The following MVB12B variants were observed in gnomAD, a reference collection of about 807,000 sequenced individuals.
The protein encoded by MVB12B is ESCRT-I complex subunit MVB12B.
Under a neutral mutation model 41.6 loss-of-function variants are expected in MVB12B, and 16 were observed. The observed-to-expected ratio is 0.38, with a 90% CI of 0.26 to 0.58. The LOEUF is 0.58. MVB12B is among the 20% of genes least tolerant of loss of function. MVB12B has a pLI of 0.62. For synonymous variants in MVB12B, 133 were observed against 139.7 expected (o/e 0.95, Z 0.34); for missense variants, 274 against 380.2 (o/e 0.72, Z 2.32).
intron 7 of MVB12B, among the ~76,000 whole-genome samples, chr9:126,467,757 C>G (rs915372162): frequency 5.3e-5 from 8 of 152,192 alleles, no homozygotes; most frequent in Non-Finnish European, 8.8e-5. Flanking sequence ...CTGCTGTGTT[C>G]CCATGATTCT....
At chr9:126,469,627 G>T (rs1833272166) in intron 7 of MVB12B, among the ~76,000 whole-genome samples, 1 of 152,220 alleles carries the variant, frequency 6.6e-6, no homozygotes, top group African/African-American at 2.4e-5. Flanking sequence ...CTGTTTTAGA[G>T]CATGCCTTCT....
intron 7 of MVB12B, among the ~76,000 whole-genome samples, chr9:126,475,628 G>T (rs1003287559): frequency 1.3e-5 from 2 of 152,152 alleles, no homozygotes; most frequent in African/African-American, 4.8e-5. Context: ...GGTGAGAAGG[G>T]CACTGTGAGA....
rs139743734 is a variant in MVB12B at position 126,441,418 on chromosome 9, G to C, written c.757+19470G>C. Among the ~76,000 whole-genome samples, 4 of 152,312 alleles carry C rather than the reference G, an allele frequency of 2.6e-5. No homozygotes were observed. In the East Asian group the frequency reaches 7.7e-4, roughly 29 times the overall value. On this transcript the variant is annotated intron_variant, in intron 7 of 9. Transcript: ENST00000361171. ...ATGAACTCAGTAAGCGATACATTCTGTCCTAAAATAAGACTAGCATATTTA... is the reference window on the plus strand; with the variant it reads ...ATGAACTCAGTAAGCGATACATTCTCTCCTAAAATAAGACTAGCATATTTA...
rs1254082222 is a variant in MVB12B at position 126,464,788 on chromosome 9, G to A, written c.758-16581G>A. ...AAGGCAGTGGATTTAGGAGATCACCGTGTCCACCCAGCTCTGCCCTTGACC... is the reference window on the plus strand; with the variant it reads ...AAGGCAGTGGATTTAGGAGATCACCATGTCCACCCAGCTCTGCCCTTGACC... On this transcript the variant is annotated intron_variant, in intron 7 of 9. Coordinates refer to ENST00000361171, the MANE Select transcript of MVB12B (RefSeq NM_033446.3). Among the ~76,000 whole-genome samples, 5 of 152,322 alleles carry A rather than the reference G, an allele frequency of 3.3e-5. No homozygotes were observed. The East Asian group carries it at 7.7e-4, about 23-fold the overall frequency.
At chr9:126,446,760 T>G (rs1166242740) in intron 7 of MVB12B, among the ~76,000 whole-genome samples, 23 of 151,914 alleles carry the variant, frequency 1.5e-4, no homozygotes, top group Non-Finnish European at 1.5e-5. Context: ...TATCTTAAAA[T>G]TAATATACCT....
At chr9:126,422,072 G>A (rs929112316) in intron 7 of MVB12B, 124 bp downstream of exon 7, 31 of 716,786 alleles carry the variant, frequency 4.3e-5, no homozygotes, top group Non-Finnish European at 6.6e-5. Flanking sequence ...CCCTGCAGGG[G>A]ACCTGTTCCC....
chr9:126,340,487 CT>C lies in MVB12B; in HGVS notation c.82-16del, dbSNP rs1829414658. On this transcript the variant is annotated intron_variant, in intron 1 of 9. Transcript: ENST00000361171. This position sits in a 1 kb window ranked among gnomAD's most constrained non-coding sequence, Gnocchi z 4.0. ...ATGCTATGTTTGAATTTTGTGTTTT[CT>C]TTTTCCTTTGCTGAACCAGGACCAG... The C allele has an allele frequency of 6.2e-7, 1 of 1,611,742 alleles. No homozygotes were observed. The highest frequency in any genetic ancestry group is 1.3e-5 in the African/African-American group (1 of 74,850).
At chr9:126,361,231 TTG>T (rs910452811) in intron 2 of MVB12B, among the ~76,000 whole-genome samples, 1 of 152,210 alleles carries the variant, frequency 6.6e-6, no homozygotes, top group Non-Finnish European at 1.5e-5. Context: ...CTTTTTGTTG[TTG>T]TTGTTTCTCA....
At chr9:126,463,700 G>A (rs2119179822) in intron 7 of MVB12B, among the ~76,000 whole-genome samples, 1 of 152,260 alleles carries the variant, frequency 6.6e-6, no homozygotes, top group South Asian at 2.1e-4. Context: ...GAGCTCCAAA[G>A]CTTCCATCCC....
At chr9:126,501,174 G>C (rs1833947726) in intron 9 of MVB12B, among the ~76,000 whole-genome samples, 2 of 152,256 alleles carry the variant, frequency 1.3e-5, no homozygotes, top group African/African-American at 4.8e-5. Context: ...GAAAGTGAGA[G>C]GGCTGGAGTG....
chr9:126,467,345 G>T lies in MVB12B; in HGVS notation c.758-14024G>T, dbSNP rs139695658. Among the ~76,000 whole-genome samples the T allele has an allele frequency of 2.0e-3, 304 of 152,312 alleles. 1 individual carries two copies. The highest frequency in any genetic ancestry group is 6.4e-3 in the African/African-American group (266 of 41,562). On this transcript the variant is annotated intron_variant, in intron 7 of 9. Transcript: ENST00000361171. ...GGCCATCGATAGAGTCTCACTCTCA[G>T]TGCATCCTGTTGGGAGGCCCACGGT...
At chr9:126,361,935 G>A (rs923267281) in intron 2 of MVB12B, among the ~76,000 whole-genome samples, 7 of 145,708 alleles carry the variant, frequency 4.8e-5, no homozygotes, top group Admixed American at 1.4e-4. Context: ...AAAAAAAGAT[G>A]TTGCTCCATT....
intron 6 of MVB12B, among the ~76,000 whole-genome samples, chr9:126,409,335 G>C (rs963270915): frequency 1.4e-5 from 2 of 143,374 alleles, no homozygotes; most frequent in Non-Finnish European, 3.1e-5. Flanking sequence ...GTGTGTGTGT[G>C]TGTGTGTGTG....
chr9:126,344,187 C>T (rs925080727), intron 2 of MVB12B, among the ~76,000 whole-genome samples: 6 of 152,124 alleles, frequency 3.9e-5, no homozygotes, highest in Admixed American at 3.3e-4. Flanking sequence ...GGGGAGACAG[C>T]GATGAGCAAA....
intron 2 of MVB12B, 117 bp from the exon 3 acceptor site, chr9:126,380,947 A>G: frequency 1.4e-6 from 1 of 703,122 alleles, no homozygotes; most frequent in Non-Finnish European, 2.5e-6. Flanking sequence ...AGCTAATGAG[A>G]TGCCGGGAGA....
intron 2 of MVB12B, among the ~76,000 whole-genome samples, chr9:126,368,690 T>C (rs1187039953): frequency 6.6e-6 from 1 of 152,182 alleles, no homozygotes; most frequent in South Asian, 2.1e-4. Flanking sequence ...TCTAGACTTA[T>C]GTTTTTCTTT....
intron 1 of MVB12B, among the ~76,000 whole-genome samples, chr9:126,327,713 C>A (rs962018745): frequency 1.3e-5 from 2 of 152,184 alleles, no homozygotes; most frequent in African/African-American, 4.8e-5. Context: ...CCAAGAGCAT[C>A]TTTTGTCCTC....
intron 1 of MVB12B, 118 bp downstream of exon 1, chr9:126,327,128 C>T (rs1829000090): frequency 2.4e-6 from 1 of 409,432 alleles, no homozygotes; most frequent in South Asian, 9.5e-5. Context: ...AGCCGGGCCG[C>T]GCCGAGGCCT....
intron 7 of MVB12B, among the ~76,000 whole-genome samples, chr9:126,462,701 A>G (rs1833113796): frequency 6.6e-6 from 1 of 152,138 alleles, no homozygotes; most frequent in Non-Finnish European, 1.5e-5. Context: ...CTTAAGGTTG[A>G]GCTGAGACCA....
Sources: gnomAD v4.1 joint callset for allele counts (sites outside exome capture counted in the v4.1 genomes callset) on GRCh38, gnomAD v4.1.1 for gene constraint, Gnocchi (gnomAD v3.1) non-coding constraint, MANE v1.5 for transcripts, NCBI Gene and HGNC (gene_info 2026-07-23, HGNC 2026-07-21) for gene names.